ELAVL1: variants seen among roughly 807,000 people sequenced by gnomAD.
The protein encoded by ELAVL1 is ELAV-like protein 1.
Under a neutral mutation model 28.4 loss-of-function variants are expected in ELAVL1, and 1 was observed. The observed-to-expected ratio is 0.04, with a 90% CI of 0.01 to 0.17. The LOEUF (loss-of-function observed/expected upper bound fraction) is 0.17. Among genes scored for constraint, ELAVL1 ranks in the 10% least tolerant of loss-of-function variants. The probability of loss-of-function intolerance (pLI) is 1.00; values close to 1 mark genes in which losing one functional copy is unlikely to be tolerated. For missense variants in ELAVL1, 157 were observed against 447.2 expected, an observed-to-expected ratio of 0.35 and a Z score of 5.85; for synonymous variants, 174 against 183.5, an observed-to-expected ratio of 0.95 and a Z score of 0.42.
chr19:7,999,486 C>A (rs547169893), intron 1 of ELAVL1, among the ~76,000 whole-genome samples: 4 of 152,228 alleles, frequency 2.6e-5, no homozygotes, highest in African/African-American at 7.2e-5. Flanking sequence ...CCACTCCTAT[C>A]ATTATTTGCC....
At chr19:7,970,569 C>T (rs980655002) in intron 4 of ELAVL1, among the ~76,000 whole-genome samples, 10 of 152,236 alleles carry the variant, frequency 6.6e-5, no homozygotes, top group African/African-American at 9.6e-5. Flanking sequence ...GCGTGAGCCA[C>T]GGCCCCCGGC....
At chr19:7,985,412 C>T (rs892721963) in intron 2 of ELAVL1, among the ~76,000 whole-genome samples, 11 of 152,192 alleles carry the variant, frequency 7.2e-5, no homozygotes, top group African/African-American at 2.4e-4. Context: ...ACTTGGCTCC[C>T]TAGATACCCC....
At chr19:7,967,501 C>T in intron 5 of ELAVL1, 64 bp downstream of exon 5, 1 of 1,546,896 alleles carries the variant, frequency 6.5e-7, no homozygotes, top group Non-Finnish European at 8.8e-7. Context: ...TATTCTGTGG[C>T]TGTGCCGTCG....
intron 4 of ELAVL1, among the ~76,000 whole-genome samples, chr19:7,969,343 A>G (rs1259515558): frequency 6.6e-6 from 1 of 152,186 alleles, no homozygotes; most frequent in African/African-American, 2.4e-5. Context: ...CGGGCACCCA[A>G]CTGTCCCCAT....
rs1403811684 is a variant in ELAVL1, at chr19:7,980,988, T to C, written c.276+95A>G. 4 of 1,255,696 alleles carry C rather than the reference T, an allele frequency of 3.2e-6. No individual in the cohort carries two copies. In the South Asian group the frequency reaches 3.6e-5, roughly 11 times the overall value. 77.8% of individuals were successfully genotyped at this position (1,255,696 alleles called of 1,614,324 possible). ...AGCCCCCGAGGAGCGGCTGTGCTCA[T>C]AGTCCCTTGGAGAGTGACTGTGAGG... On this transcript the variant is annotated intron_variant, in intron 3 of 5. Coordinates refer to ENST00000407627, the MANE Select transcript of ELAVL1 (RefSeq NM_001419.3).
chr19:7,968,741 G>A lies in ELAVL1; in HGVS notation c.431-951C>T, dbSNP rs549042394. ...CAGCTGGGCATGGGTGTGAGATGCT[G>A]AGCAAGGCGGGTGGAAGGAGAGCAT... is the stretch of plus-strand genomic sequence containing the variant. On this transcript the variant is annotated intron_variant, in intron 4 of 5. Transcript: ENST00000407627. Among the ~76,000 whole-genome samples the A allele has an allele frequency of 2.1e-3, 319 of 152,366 alleles. 1 individual carries two copies. Among genetic ancestry groups the A allele is most frequent in the African/African-American group, 7.5e-3 (310 of 41,592 alleles).
chr19:8,002,030 T>A, intron 1 of ELAVL1: 1 of 1,289,124 alleles, frequency 7.8e-7, no homozygotes, highest in South Asian at 1.2e-5. Context: ...CTAAAACTGC[T>A]CAGTAGCCAC....
chr19:7,973,822 G>A lies in ELAVL1; in HGVS notation c.333C>T (p.Ser111=), dbSNP rs774020554. The A allele has an allele frequency of 3.1e-6, 5 of 1,613,978 alleles. No individual in the cohort carries two copies. Among genetic ancestry groups the A allele is most frequent in the Admixed American group, 1.7e-5 (1 of 60,000 alleles). The part of the protein sequence containing the change: ...EVIKDANLYI[S]GLPRTMTQKD... ...TCTGGGTCATGGTCCGCGGGAGCCC[G>A]CTGATGTACAAGTTGGCGTCTTTGA... Residue 111 remains serine (S), a synonymous_variant, in exon 4 of 6, where the codon AGC becomes AGT. Transcript: ENST00000407627.
chr19:7,981,372 T>G lies in ELAVL1; in HGVS notation c.173-186A>C, dbSNP rs866880514. 7.1e-6 allele frequency among the ~76,000 whole-genome samples: 1 copy of G among 141,392 alleles called. No individual in the cohort carries two copies. The highest frequency in any genetic ancestry group is 2.0e-4 in the East Asian group (1 of 5,068). The allele number at this position is 141,392 out of a possible 152,430, so 92.8% of individuals were successfully genotyped here. A position where few individuals can be genotyped will look rare whatever the true frequency, so the allele number is the denominator to read the frequency against. On this transcript the variant is annotated intron_variant, in intron 2 of 5. Transcript: ENST00000407627. The surrounding 1 kb of genome is among the most constrained non-coding windows in gnomAD (Gnocchi z 4.2). The stretch of plus-strand genomic sequence containing the variant: ...ACAGGTTCCTTTTTTTTTTTTTTTT[T>G]AAAGAGATAGGATCTTGCTCTGTCA...
chr19:8,002,496 C>A (rs1426927386), intron 1 of ELAVL1, among the ~76,000 whole-genome samples: 2 of 152,246 alleles, frequency 1.3e-5, no homozygotes, highest in Non-Finnish European at 2.9e-5. Flanking sequence ...CTCCCACAGG[C>A]TGGCTTCCGT....
intron 4 of ELAVL1, chr19:7,973,262 G>A (rs575902828): frequency 3.5e-4 from 66 of 186,644 alleles, no homozygotes; most frequent in African/African-American, 1.4e-3. Context: ...ACGGAGTCTC[G>A]CTCTGTCACC....
At position 7,994,760 on chromosome 19, in the gene ELAVL1, T is replaced by G. The variant is rs138692464; in HGVS notation, c.-16-2929A>C. 1.8e-3 allele frequency among the ~76,000 whole-genome samples: 267 copies of G among 152,346 alleles called. 2 individuals are homozygous for G. Among genetic ancestry groups the G allele is most frequent in the Admixed American group, 1.7e-3 (26 of 15,298 alleles). On this transcript the variant is annotated intron_variant, in intron 1 of 5. Coordinates refer to ENST00000407627, the MANE Select transcript of ELAVL1 (RefSeq NM_001419.3). Reference sequence around the variant, plus strand: ...CAAGTGCAGGAGTTCAAGACCAGTCTGGACAACAACGTGAGACCCTGACTC... The same window carrying G: ...CAAGTGCAGGAGTTCAAGACCAGTCGGGACAACAACGTGAGACCCTGACTC...
At chr19:7,971,041 C>T (rs1985096678) in intron 4 of ELAVL1, among the ~76,000 whole-genome samples, 1 of 152,224 alleles carries the variant, frequency 6.6e-6, no homozygotes, top group Non-Finnish European at 1.5e-5. Context: ...TCCTGGCTCC[C>T]TTCTCTCTGC....
At position 8,005,259 on chromosome 19, in the gene ELAVL1, CT is replaced by C. The variant is rs2081083260; in HGVS notation, c.-17+235del. ...CGGCGCATGCCCACGCCGTATCCCC[CT>C]CGCCCGTCCCTCGAGGCGCCAGAGG... On this transcript the variant is annotated intron_variant, in intron 1 of 5. Transcript: ENST00000407627. 2.6e-5 allele frequency among the ~76,000 whole-genome samples: 4 copies of C among 151,808 alleles called. No homozygotes were observed. In the South Asian group the frequency reaches 6.2e-4, roughly 24 times the overall value.
At chr19:7,975,189 G>C (rs1985246417) in intron 3 of ELAVL1, among the ~76,000 whole-genome samples, 2 of 152,176 alleles carry the variant, frequency 1.3e-5, no homozygotes, top group South Asian at 4.1e-4. Context: ...AGGCTGCCTT[G>C]GCCCCCAGCC....
In ELAVL1 at chr19:7,982,892, C is replaced by T. The variant is rs186810972; in HGVS notation, c.173-1706G>A. ...TTGCTGGAGTCTGTCACAGCTGGAG[C>T]GCCCTTCTCGTCACACGATGTCAAG... On this transcript the variant is annotated intron_variant, in intron 2 of 5. Transcript: ENST00000407627. This position sits in a 1 kb window ranked among gnomAD's most constrained non-coding sequence, Gnocchi z 4.3. Among the ~76,000 whole-genome samples, 437 of 152,332 alleles carry T rather than the reference C, an allele frequency of 2.9e-3. 1 individual carries two copies. Among genetic ancestry groups the T allele is most frequent in the African/African-American group, 9.7e-3 (402 of 41,574 alleles).
rs906836339 is a variant in ELAVL1 at position 7,967,633 on chromosome 19, G to A, written c.588C>T (p.Leu196=). The A allele has an allele frequency of 1.2e-6, 2 of 1,614,114 alleles. No individual in the cohort carries two copies. Among genetic ancestry groups the A allele is most frequent in the Admixed American group, 3.3e-5 (2 of 60,004 alleles). ...GCGCTGGCGAGTGGTACAGCTGCGA[G>A]AGGAGTGCCACGTTTTTGTTCTGGT... is the stretch of plus-strand genomic sequence containing the variant. ...NPNQNKNVAL[L]SQLYHSPARR... is the part of the protein sequence containing the mutation. The change falls in exon 5 of 6, where the codon CTC becomes CTT. Residue 196 remains leucine, a synonymous_variant. Coordinates refer to ENST00000407627, the MANE Select transcript of ELAVL1 (RefSeq NM_001419.3).
At chr19:7,969,350 C>T (rs1985040283) in intron 4 of ELAVL1, among the ~76,000 whole-genome samples, 1 of 152,232 alleles carries the variant, frequency 6.6e-6, no homozygotes, top group Non-Finnish European at 1.5e-5. Flanking sequence ...CCAACTGTCC[C>T]CATGTCCTGT....
chr19:7,987,959 T>G (rs891717180), intron 2 of ELAVL1, among the ~76,000 whole-genome samples: 1 of 152,098 alleles, frequency 6.6e-6, no homozygotes, highest in Non-Finnish European at 1.5e-5. Context: ...CAGGGTCACA[T>G]GCGGGCTGTC....
Sources: gnomAD v4.1 joint callset for allele counts (sites outside exome capture counted in the v4.1 genomes callset) on GRCh38, gnomAD v4.1.1 for gene constraint, Gnocchi (gnomAD v3.1) non-coding constraint, MANE v1.5 for transcripts, NCBI Gene and HGNC (gene_info 2026-07-23, HGNC 2026-07-21) for gene names.